Variants in DDIAS observed in about 807,000 individuals in gnomAD.
DDIAS encodes DNA damage-induced apoptosis suppressor protein.
Under a neutral mutation model 15.7 loss-of-function variants are expected in DDIAS, and 14 were observed. The ratio of observed to expected loss-of-function variants is 0.89; its 90% CI spans 0.59 to 1.39. The LOEUF (loss-of-function observed/expected upper bound fraction) is 1.39, where lower values mean the gene tolerates loss of function less well. DDIAS is among the 40% of genes most tolerant of loss of function. The pLI is 0.00. For missense variants in DDIAS, 1,035 were observed against 1,130.9 expected, an observed-to-expected ratio of 0.92 and a Z score of 1.22; for synonymous variants, 355 against 395.9, an observed-to-expected ratio of 0.90 and a Z score of 1.23.
At chr11:82,926,729 G>T (rs1416793316) in intron 3 of DDIAS, among the ~76,000 whole-genome samples, 1 of 152,082 alleles carries the variant, frequency 6.6e-6, no homozygotes, top group Non-Finnish European at 1.5e-5. Context: ...TGGATGATTT[G>T]TATACATATT....
At position 82,934,330 on chromosome 11, in the gene DDIAS, T is replaced by C. The variant is rs377334924; in HGVS notation, c.2992T>C (p.Ser998Pro). 7 of 1,580,158 alleles carry C rather than the reference T, an allele frequency of 4.4e-6. No homozygotes were observed. In the South Asian group the frequency reaches 5.9e-5, roughly 13 times the overall value. The stretch of plus-strand genomic sequence containing the variant: ...AAGTGCTTGGTCACCTGAATTGTTT[T>C]CATAAAAAGTCACCTGAACCCAATT... Reference protein sequence around the residue: ...TRSAWSPELFS With the variant: ...TRSAWSPELFP Residue 998 changes from serine (S) to proline (P), a missense_variant, in exon 6 of 6, where the codon TCA (serine) becomes CCA (proline). Transcript: ENST00000533655.
intron 1 of DDIAS, among the ~76,000 whole-genome samples, chr11:82,910,691 C>T (rs969303288): frequency 7.0e-6 from 1 of 142,646 alleles, no homozygotes; most frequent in Admixed American, 7.4e-5. Context: ...ATACAGCTCA[C>T]TTCAGTCTTT....
chr11:82,903,456 A>G (rs1367165385), intron 1 of DDIAS, among the ~76,000 whole-genome samples: 1 of 152,206 alleles, frequency 6.6e-6, no homozygotes, highest in Non-Finnish European at 1.5e-5. Context: ...CATCCCTGTA[A>G]TAAATGTCTC....
chr11:82,904,790 A>G (rs1212999492), intron 1 of DDIAS, among the ~76,000 whole-genome samples: 2 of 152,230 alleles, frequency 1.3e-5, no homozygotes, highest in East Asian at 3.8e-4. Context: ...CAATGAGTTT[A>G]TATATCTGGT....
intron 3 of DDIAS, among the ~76,000 whole-genome samples, chr11:82,919,108 A>C (rs1377711556): frequency 6.6e-6 from 1 of 152,060 alleles, no homozygotes; most frequent in East Asian, 1.9e-4. Flanking sequence ...GTCTGATTGC[A>C]TTGTCTAGGA....
In DDIAS at chr11:82,932,192, C is replaced by T. The variant is rs778945330; in HGVS notation, c.854C>T (p.Ser285Phe). The change falls in exon 6 of 6, where the codon TCC (serine) becomes TTC (phenylalanine). Residue 285 changes from serine to phenylalanine, a missense_variant. By Grantham distance (155) the Ser-to-Phe change is radical. Coordinates refer to ENST00000533655, the MANE Select transcript of DDIAS (RefSeq NM_145018.4). Reference sequence around the variant, plus strand: ...ATCTCCATTGCAGAGGCCACTGGTTCCAGTAGCTGCCATGATCCCATTCAG... The same window carrying T: ...ATCTCCATTGCAGAGGCCACTGGTTTCAGTAGCTGCCATGATCCCATTCAG... Reference protein sequence around the residue: ...KSISIAEATGSSSCHDPIQDS... With the variant: ...KSISIAEATGFSSCHDPIQDS... 2 of 1,614,148 alleles carry T rather than the reference C, an allele frequency of 1.2e-6. No homozygotes were observed. The highest frequency in any genetic ancestry group is 1.3e-5 in the African/African-American group (1 of 75,032).
intron 3 of DDIAS, among the ~76,000 whole-genome samples, chr11:82,928,177 C>CTTTTTTTTTTTTTTTTTTT (rs541845327): frequency 5.8e-5 from 2 of 34,208 alleles, no homozygotes; most frequent in African/African-American, 9.7e-5. Flanking sequence ...TTTTTGTCCT[C>CTTTTTTTTTTTTTTTTTTT]TTTTTTTTTT....
intron 3 of DDIAS, among the ~76,000 whole-genome samples, chr11:82,924,715 T>G (rs1318941098): frequency 6.6e-6 from 1 of 151,980 alleles, no homozygotes; most frequent in Non-Finnish European, 1.5e-5. Context: ...CTCAGGAGTC[T>G]GAGGTGGGAG....
intron 1 of DDIAS, among the ~76,000 whole-genome samples, chr11:82,911,439 G>T (rs910026235): frequency 1.3e-5 from 2 of 150,238 alleles, no homozygotes; most frequent in Non-Finnish European, 2.9e-5. Context: ...TCCGTATCAA[G>T]AAACTACTCT....
rs748838201 is a variant in DDIAS, at chr11:82,928,892, A to G, written c.229A>G (p.Ser77Gly). The G allele has an allele frequency of 1.4e-5, 22 of 1,612,700 alleles. No homozygotes were observed. The highest frequency in any genetic ancestry group is 1.7e-5 in the Non-Finnish European group (20 of 1,179,684). Residue 77 changes from serine (S) to glycine (G), a missense_variant, in exon 4 of 6, where the codon AGT becomes GGT. By Grantham distance (56) the Ser-to-Gly change is moderately conservative (BLOSUM62 0). Transcript: ENST00000533655. Reference protein sequence around the residue: ...NKLFVITVFGSCLDTFFGLTA... With the variant: ...NKLFVITVFGGCLDTFFGLTA... ...ATTGTTTGTTATTACTGTATTTGGA[A>G]GTTGCTTAGATACATTTTTTGGTCT...
chr11:82,932,291 A>T lies in DDIAS; in HGVS notation c.953A>T (p.Gln318Leu). Residue 318 changes from glutamine (Q) to leucine (L), a missense_variant, in exon 6 of 6, where the codon CAA (glutamine) becomes CTA (leucine). Gln to Leu is a moderately radical substitution (Grantham distance 113). Coordinates refer to ENST00000533655, the MANE Select transcript of DDIAS (RefSeq NM_145018.4). The stretch of plus-strand genomic sequence containing the variant: ...AAGTTGGGTAAAGAACTTGGCTTAC[A>T]AGCTAAGGAGCTGAGTGCAGTTCAC... ...AEKLGKELGL[Q>L]AKELSAVHSS... 2 of 1,613,964 alleles carry T rather than the reference A, an allele frequency of 1.2e-6. 1 individual carries two copies. Among genetic ancestry groups the T allele is most frequent in the Middle Eastern group, 3.3e-4 (2 of 6,062 alleles).
chr11:82,929,308 G>A (rs934371849), intron 4 of DDIAS, among the ~76,000 whole-genome samples: 1 of 152,160 alleles, frequency 6.6e-6, no homozygotes, highest in Non-Finnish European at 1.5e-5. Flanking sequence ...GGGAATATTT[G>A]CATTTCAGAA....
intron 3 of DDIAS, among the ~76,000 whole-genome samples, chr11:82,919,324 G>A (rs537122758): frequency 2.8e-4 from 43 of 152,260 alleles, no homozygotes; most frequent in African/African-American, 9.1e-4. Flanking sequence ...GGATTTTGTT[G>A]AATGTTTTTT....
chr11:82,914,838 C>T lies in DDIAS; in HGVS notation c.100C>T (p.Leu34=). 1 of 1,579,178 alleles carries T rather than the reference C, an allele frequency of 6.3e-7. No homozygotes were observed. Among genetic ancestry groups the T allele is most frequent in the Non-Finnish European group, 8.7e-7 (1 of 1,150,970 alleles). Residue 34 remains leucine (L), a synonymous_variant, in exon 3 of 6, where the codon CTG becomes TTG. Coordinates refer to ENST00000533655, the MANE Select transcript of DDIAS (RefSeq NM_145018.4). The part of the protein sequence containing the change: ...SCQKCFSRII[L]VSKRSNCPKC... ...TCAGAAGTGCTTCTCTAGGATAATC[C>T]TGGTCTCCAAAAGGTAAAAGTAAAG... is the stretch of plus-strand genomic sequence containing the variant.
chr11:82,921,423 T>C (rs1425412348), intron 3 of DDIAS, among the ~76,000 whole-genome samples: 2 of 152,274 alleles, frequency 1.3e-5, no homozygotes, highest in African/African-American at 4.8e-5. Flanking sequence ...GTTGCCTGTG[T>C]ACCTTGTTTT....
chr11:82,905,659 A>C (rs2121311518), intron 1 of DDIAS, among the ~76,000 whole-genome samples: 1 of 152,176 alleles, frequency 6.6e-6, no homozygotes, highest in South Asian at 2.1e-4. Flanking sequence ...ATTGCAGTTA[A>C]ATTTTTTGTG....
intron 2 of DDIAS, chr11:82,914,318 G>A (rs1565244811): frequency 5.2e-6 from 1 of 192,106 alleles, no homozygotes; most frequent in Non-Finnish European, 1.1e-5. Flanking sequence ...CCATCATGGT[G>A]GCACTCAAAA....
rs778157960 is a variant in DDIAS, at chr11:82,932,778, A to G, written c.1440A>G (p.Arg480=). 8.1e-6 allele frequency: 13 copies of G among 1,613,810 alleles called. No homozygotes were observed. The highest frequency in any genetic ancestry group is 1.0e-5 in the Non-Finnish European group (12 of 1,180,004). ...GALHTPPIAL[R]SSQVIVKANC... Reference sequence around the variant, plus strand: ...TGCATACACCACCTATAGCTTTAAGATCATCACAAGTAATAGTCAAAGCAA... The same window carrying G: ...TGCATACACCACCTATAGCTTTAAGGTCATCACAAGTAATAGTCAAAGCAA... Residue 480 remains arginine, a synonymous_variant, in exon 6 of 6, where the codon AGA becomes AGG. Coordinates refer to ENST00000533655, the MANE Select transcript of DDIAS (RefSeq NM_145018.4).
chr11:82,934,141 CATAAAT>C lies in DDIAS; in HGVS notation c.2808_2813del (p.Lys936_Tyr937del), dbSNP rs1195518042. ...AGCAGTTGTTACGAAAAAGAAAACTCATAAATATAACTGTAAAAGTTCAGGCTGGAT... is the reference window on the plus strand; with the variant it reads ...AGCAGTTGTTACGAAAAAGAAAACTCATAACTGTAAAAGTTCAGGCTGGAT... On this transcript the variant is annotated inframe_deletion, in exon 6 of 6. Transcript: ENST00000533655. The C allele has an allele frequency of 1.2e-6, 2 of 1,611,096 alleles. No homozygotes were observed. The highest frequency in any genetic ancestry group is 1.7e-4 in the Middle Eastern group (1 of 6,054).
Sources: gnomAD v4.1 joint callset for allele counts (sites outside exome capture counted in the v4.1 genomes callset) on GRCh38, gnomAD v4.1.1 for gene constraint, MANE v1.5 for transcripts, NCBI Gene and HGNC (gene_info 2026-07-23, HGNC 2026-07-21) for gene names.